Variants in NPFFR1 observed in about 807,000 individuals in gnomAD.
The protein encoded by NPFFR1 is neuropeptide FF receptor 1.
In NPFFR1, 17 loss-of-function variants were observed where a neutral mutation model predicts 12.7. The ratio of observed to expected loss-of-function variants is 1.34; its 90% CI spans 0.92 to 2.01. NPFFR1 has a LOEUF of 2.01. Among genes scored for constraint, NPFFR1 ranks in the 30% most tolerant of loss-of-function variants. The pLI is 0.00. For missense variants in NPFFR1, 604 were observed against 606.5 expected, an observed-to-expected ratio of 1.00 and a Z score of 0.04; for synonymous variants, 296 against 264.5, an observed-to-expected ratio of 1.12 and a Z score of -1.16.
In NPFFR1 at chr10:70,283,806, GTCCGGT is replaced by G; in HGVS notation, c.-136_-131del. Reference sequence around the variant, plus strand: ...GCGCCCCTGCCTCCGCGCTCCGCAGGTCCGGTCGGTCCGGGCAGAGGTGAGCAGGGG... The same window carrying G: ...GCGCCCCTGCCTCCGCGCTCCGCAGGCGGTCCGGGCAGAGGTGAGCAGGGG... On this transcript the variant is annotated 5_prime_UTR_variant, in exon 1 of 4. Transcript: ENST00000277942. 2 of 997,606 alleles carry G rather than the reference GTCCGGT, an allele frequency of 2.0e-6. No homozygotes were observed. Among genetic ancestry groups the G allele is most frequent in the Non-Finnish European group, 3.0e-6 (2 of 673,294 alleles). The allele number at this position is 997,606 out of a possible 1,614,324, so 61.8% of individuals were successfully genotyped here. A position where few individuals can be genotyped will look rare whatever the true frequency, so the allele number is the denominator to read the frequency against.
chr10:70,280,150 C>T (rs982860238), intron 1 of NPFFR1, among the ~76,000 whole-genome samples: 1 of 152,188 alleles, frequency 6.6e-6, no homozygotes, highest in Non-Finnish European at 1.5e-5. Flanking sequence ...TAGTTGATTC[C>T]ATAGCCTGGC....
chr10:70,260,899 C>T (rs1840626609), intron 2 of NPFFR1, among the ~76,000 whole-genome samples, 160 bp from the exon 3 acceptor site: 1 of 152,000 alleles, frequency 6.6e-6, no homozygotes, highest in Admixed American at 6.6e-5. Flanking sequence ...AAATGAGGAA[C>T]CAACCAGCCC....
chr10:70,255,818 G>A lies in NPFFR1; in HGVS notation c.432C>T (p.Cys144=), dbSNP rs1840565280. ...GCTTCTCGCGGAAAGGGTGCACGATGCAGCGGAACCTGCCGCGGGGAGAGA... is the reference window on the plus strand; with the variant it reads ...GCTTCTCGCGGAAAGGGTGCACGATACAGCGGAACCTGCCGCGGGGAGAGA... ...LVAIAVERFR[C]IVHPFREKLT... is the part of the protein sequence containing the mutation. The change falls in exon 4 of 4, where the codon TGC becomes TGT. Residue 144 remains cysteine (C), a synonymous_variant. Transcript: ENST00000277942. This position sits in a 1 kb window ranked among gnomAD's most constrained non-coding sequence, Gnocchi z 4.2. 6 of 1,607,090 alleles carry A rather than the reference G, an allele frequency of 3.7e-6. No homozygotes were observed. The African/African-American group carries it at 6.7e-5, about 18-fold the overall frequency.
chr10:70,260,503 C>A, intron 3 of NPFFR1, 137 bp downstream of exon 3: 1 of 776,772 alleles, frequency 1.3e-6, no homozygotes, highest in Non-Finnish European at 2.2e-6. Context: ...GGGCCCTTCT[C>A]CTTGTGGCTC....
intron 1 of NPFFR1, among the ~76,000 whole-genome samples, chr10:70,266,921 C>T (rs546078691): frequency 6.6e-6 from 1 of 152,202 alleles, no homozygotes; most frequent in Non-Finnish European, 1.5e-5. Context: ...TGGCTCTAGC[C>T]CTCACCTGAC....
rs111951575 is a variant in NPFFR1, at chr10:70,259,290, C to CAA, written c.422+1348_422+1349dup. Among the ~76,000 whole-genome samples, 54 of 131,184 alleles carry CAA rather than the reference C, an allele frequency of 4.1e-4. No individual in the cohort carries two copies. In the Middle Eastern group the frequency reaches 0.015, roughly 36 times the overall value. 86.1% of individuals were successfully genotyped at this position (131,184 alleles called of 152,430 possible). A position where few individuals can be genotyped will look rare whatever the true frequency, so the allele number is the denominator to read the frequency against. On this transcript the variant is annotated intron_variant, in intron 3 of 3. Transcript: ENST00000277942. ...CAGAGCAAGACTCTGTCTCCCCCCT[C>CAA]AAAAAAAAAAAAGAAAGAAAGAAAG...
chr10:70,266,517 G>T, intron 1 of NPFFR1, 126 bp from the exon 2 acceptor site: 1 of 734,762 alleles, frequency 1.4e-6, no homozygotes, highest in Non-Finnish European at 2.2e-6. Context: ...CATGTCCCCA[G>T]CTCCAGTTGC....
At chr10:70,268,703 C>T (rs1840720992) in intron 1 of NPFFR1, among the ~76,000 whole-genome samples, 1 of 145,280 alleles carries the variant, frequency 6.9e-6, no homozygotes, top group Non-Finnish European at 1.5e-5. Flanking sequence ...GAACAGTGGT[C>T]TCAGGGTTCC....
At chr10:70,277,136 C>T (rs1840812646) in intron 1 of NPFFR1, among the ~76,000 whole-genome samples, 1 of 152,214 alleles carries the variant, frequency 6.6e-6, no homozygotes. Flanking sequence ...CAATGAGAAC[C>T]AGGCCTACAC....
intron 1 of NPFFR1, among the ~76,000 whole-genome samples, chr10:70,270,587 C>T (rs1214612676): frequency 2.0e-5 from 3 of 152,218 alleles, no homozygotes; most frequent in Admixed American, 6.5e-5. Flanking sequence ...CTCAGCAGAG[C>T]CTGGGCATCA....
At chr10:70,274,882 A>G (rs1840785631) in intron 1 of NPFFR1, among the ~76,000 whole-genome samples, 1 of 152,234 alleles carries the variant, frequency 6.6e-6, no homozygotes, top group Admixed American at 6.5e-5. Context: ...CCAGGGAAGC[A>G]AGCCTTGGCA....
chr10:70,260,532 C>G, intron 3 of NPFFR1, 108 bp downstream of exon 3: 1 of 986,586 alleles, frequency 1.0e-6, no homozygotes, highest in South Asian at 1.4e-5. Flanking sequence ...GCCCCACTTA[C>G]CATGGTGCAG....
rs570189089 is a variant in NPFFR1, at chr10:70,255,392, G to C, written c.858C>G (p.Leu286=). Residue 286 remains leucine (L), a synonymous_variant, in exon 4 of 4, where the codon CTC becomes CTG. Coordinates refer to ENST00000277942, the MANE Select transcript of NPFFR1 (RefSeq NM_022146.5). The surrounding 1 kb of genome is among the most constrained non-coding windows in gnomAD (Gnocchi z 4.2). ...ALFFTLSWLP[L]WALLLLIDYG... is the part of the protein sequence containing the mutation. ...AGTCGATGAGCAGCAGCAGCGCCCA[G>C]AGCGGCAGCCAGGACAGCGTGAAGA... 1.0e-4 allele frequency: 160 copies of C among 1,547,876 alleles called. No homozygotes were observed. The highest frequency in any genetic ancestry group is 9.8e-4 in the Admixed American group (50 of 51,174).
intron 1 of NPFFR1, among the ~76,000 whole-genome samples, chr10:70,272,222 A>G (rs144127128): frequency 0.02 from 155 of 7,574 alleles, 1 homozygote; most frequent in Middle Eastern, 0.036. Context: ...GAAAGAAAGA[A>G]AGAAAGAAAG....
intron 2 of NPFFR1, among the ~76,000 whole-genome samples, chr10:70,264,550 G>A (rs1840670724): frequency 6.6e-6 from 1 of 152,028 alleles, no homozygotes; most frequent in Admixed American, 6.6e-5. Context: ...TTATTAATAT[G>A]GGATAACAAC....
intron 1 of NPFFR1, among the ~76,000 whole-genome samples, chr10:70,281,174 C>A (rs1840858085): frequency 6.6e-6 from 1 of 152,178 alleles, no homozygotes; most frequent in Non-Finnish European, 1.5e-5. Flanking sequence ...ATTTTTAGCA[C>A]CCCACCAGGT....
intron 1 of NPFFR1, among the ~76,000 whole-genome samples, chr10:70,270,928 A>T (rs1344971029): frequency 6.6e-6 from 1 of 152,138 alleles, no homozygotes; most frequent in Non-Finnish European, 1.5e-5. Flanking sequence ...GTTCTCAAAG[A>T]GGGGTCCCGA....
In NPFFR1 at chr10:70,277,059, TTGTAAGTATATCTCCTCA is replaced by T. The variant is rs554836255; in HGVS notation, c.7+6593_7+6610del. Among the ~76,000 whole-genome samples the T allele has an allele frequency of 2.0e-5, 3 of 152,346 alleles. No homozygotes were observed. The East Asian group carries it at 5.8e-4, about 29-fold the overall frequency. ...TCAATGATTGTAGTAGAAATACTTA[TTGTAAGTATATCTCCTCA>T]ACTCATTGCTGGAAGCAGGACAGAT... On this transcript the variant is annotated intron_variant, in intron 1 of 3. Transcript: ENST00000277942.
intron 1 of NPFFR1, among the ~76,000 whole-genome samples, chr10:70,268,870 A>G (rs948184584): frequency 6.6e-6 from 1 of 152,228 alleles, no homozygotes; most frequent in Admixed American, 6.5e-5. Flanking sequence ...AAGAAAAGCA[A>G]TATAGCATTG....
Sources: gnomAD v4.1 joint callset for allele counts (sites outside exome capture counted in the v4.1 genomes callset) on GRCh38, gnomAD v4.1.1 for gene constraint, Gnocchi (gnomAD v3.1) non-coding constraint, MANE v1.5 for transcripts, NCBI Gene and HGNC (gene_info 2026-07-23, HGNC 2026-07-21) for gene names.